CAMSAP2: variants seen among roughly 807,000 people sequenced by gnomAD.
CAMSAP2 encodes calmodulin-regulated spectrin-associated protein 2.
A neutral mutation model predicts 146.1 loss-of-function variants in CAMSAP2; 26 were observed. The ratio of observed to expected loss-of-function variants is 0.18; its 90% CI spans 0.13 to 0.25. The LOEUF is 0.25. Among genes scored for constraint, CAMSAP2 ranks in the 10% least tolerant of loss-of-function variants. The pLI, the probability that CAMSAP2 is intolerant of heterozygous loss-of-function variation, is 1.00. For synonymous variants in CAMSAP2, 499 were observed against 596.6 expected (o/e 0.84, Z 2.38); for missense variants, 1,381 against 1,759.3 (o/e 0.78, Z 3.85).
Position 200,848,277 on chromosome 1 carries a change from C to A in CAMSAP2, c.1508C>A (p.Pro503His). The A allele has an allele frequency of 6.2e-7, 1 of 1,613,010 alleles. No homozygotes were observed. Among genetic ancestry groups the A allele is most frequent in the Non-Finnish European group, 8.5e-7 (1 of 1,179,592 alleles). Reference protein sequence around the residue: ...DSHSDLKSCVPLNTNELNSNE... With the variant: ...DSHSDLKSCVHLNTNELNSNE... The stretch of plus-strand genomic sequence containing the variant: ...CACAGTGACCTCAAATCTTGTGTGC[C>A]CCTTAACACAAATGAACTAAATTCT... Residue 503 changes from proline to histidine, a missense_variant, in exon 11 of 17, where the codon CCC (proline) becomes CAC (histidine). Pro to His is a moderately conservative substitution (Grantham distance 77, BLOSUM62 -2). Transcript: ENST00000358823.
At chr1:200,763,929 C>A (rs1664869535) in intron 2 of CAMSAP2, among the ~76,000 whole-genome samples, 1 of 151,978 alleles carries the variant, frequency 6.6e-6, no homozygotes, top group Non-Finnish European at 1.5e-5. Context: ...CAAAAATTAG[C>A]CAGGTGTGGT....
intron 4 of CAMSAP2, among the ~76,000 whole-genome samples, chr1:200,818,995 T>C (rs973575601): frequency 6.6e-6 from 1 of 152,212 alleles, no homozygotes; most frequent in African/African-American, 2.4e-5. Context: ...CTTGCCCAAC[T>C]ACTCTTAACT....
intron 2 of CAMSAP2, 142 bp downstream of exon 2, chr1:200,761,240 C>G (rs188871393): frequency 1.0e-5 from 8 of 803,206 alleles, no homozygotes; most frequent in Non-Finnish European, 1.5e-5. Context: ...TTTTCTTAAC[C>G]TTGTTTCCAA....
At chr1:200,821,729 G>T (rs1259507580) in intron 4 of CAMSAP2, among the ~76,000 whole-genome samples, 5 of 152,012 alleles carry the variant, frequency 3.3e-5, no homozygotes, top group African/African-American at 1.2e-4. Flanking sequence ...GCCCTTACAG[G>T]AAACACAACA....
rs1319566029 is a variant in CAMSAP2, at chr1:200,859,722, T to C, written c.*1663T>C. The stretch of plus-strand genomic sequence containing the variant: ...CTCTTATATTTTAAGTGTATACATA[T>C]TGTGTATATAACATATGGATATTAA... On this transcript the variant is annotated 3_prime_UTR_variant, in exon 17 of 17. Transcript: ENST00000358823. The C allele has an allele frequency of 6.6e-6, 1 of 152,230 alleles. No individual in the cohort carries two copies. Among genetic ancestry groups the C allele is most frequent in the African/African-American group, 2.4e-5 (1 of 41,460 alleles). The allele number at this position is 152,230 out of a possible 1,614,324, so 9.4% of individuals were successfully genotyped here.
intron 2 of CAMSAP2, among the ~76,000 whole-genome samples, chr1:200,763,699 TTGA>T (rs1291990441): frequency 2.0e-5 from 3 of 152,224 alleles, no homozygotes; most frequent in African/African-American, 7.2e-5. Flanking sequence ...GGCATTTTGA[TTGA>T]TGATATTTAA....
At chr1:200,805,610 A>G (rs1051075805) in intron 2 of CAMSAP2, among the ~76,000 whole-genome samples, 2 of 152,220 alleles carry the variant, frequency 1.3e-5, no homozygotes, top group Non-Finnish European at 2.9e-5. Flanking sequence ...CAGAAACAAT[A>G]TTCTGTAGGA....
intron 2 of CAMSAP2, among the ~76,000 whole-genome samples, chr1:200,774,406 T>C (rs1665210697): frequency 6.6e-6 from 1 of 152,210 alleles, no homozygotes. Context: ...AAGTGCACTA[T>C]GTTAGAAGCT....
chr1:200,762,183 G>T (rs1321853953), intron 2 of CAMSAP2, among the ~76,000 whole-genome samples: 1 of 152,108 alleles, frequency 6.6e-6, no homozygotes, highest in Admixed American at 6.5e-5. Flanking sequence ...ACTAAATGAG[G>T]TGATGACCTG....
At chr1:200,753,612 G>A (rs927244778) in intron 1 of CAMSAP2, among the ~76,000 whole-genome samples, 6 of 152,144 alleles carry the variant, frequency 3.9e-5, no homozygotes, top group Admixed American at 6.5e-5. Context: ...ATTACACAGA[G>A]TCCTGCCCTC....
chr1:200,766,276 TG>T (rs1664948743), intron 2 of CAMSAP2, among the ~76,000 whole-genome samples: 2 of 152,054 alleles, frequency 1.3e-5, no homozygotes, highest in South Asian at 4.1e-4. Context: ...CCTGGGTAGC[TG>T]GGTCTGCAGA....
In CAMSAP2 at chr1:200,841,841, A is replaced by G. The variant is rs149486658; in HGVS notation, c.928-153A>G. Among the ~76,000 whole-genome samples, 1,160 of 152,336 alleles carry G rather than the reference A, an allele frequency of 7.6e-3. 7 individuals carry two copies. Among genetic ancestry groups the G allele is most frequent in the Non-Finnish European group, 0.012 (812 of 68,024 alleles). ...AATAGTTATAATTTTTACCCACAAG[A>G]GTTAATATTCCATCCCATGTTTAAT... On this transcript the variant is annotated intron_variant, in intron 6 of 16. Transcript: ENST00000358823.
At chr1:200,820,909 G>A (rs1558194023) in intron 4 of CAMSAP2, among the ~76,000 whole-genome samples, 1 of 152,004 alleles carries the variant, frequency 6.6e-6, no homozygotes, top group Non-Finnish European at 1.5e-5. Context: ...TTTAGAAAAC[G>A]GTAATTTTTA....
chr1:200,785,587 G>A (rs566973578), intron 2 of CAMSAP2, among the ~76,000 whole-genome samples: 17 of 151,964 alleles, frequency 1.1e-4, no homozygotes, highest in African/African-American at 3.9e-4. Flanking sequence ...ACAGGGTTTC[G>A]CCATGTTTGC....
chr1:200,792,931 G>T (rs867842531), intron 2 of CAMSAP2, among the ~76,000 whole-genome samples: 1 of 152,262 alleles, frequency 6.6e-6, no homozygotes, highest in Middle Eastern at 3.4e-3. Context: ...TGGTAAATGG[G>T]ATGTTTCTGT....
Position 200,832,807 on chromosome 1 carries a change from A to G in CAMSAP2, c.889A>G (p.Thr297Ala), listed in dbSNP as rs41306231. Residue 297 changes from threonine to alanine, a missense_variant, in exon 6 of 17, where the codon ACT becomes GCT. Coordinates refer to ENST00000358823, the MANE Select transcript of CAMSAP2 (RefSeq NM_203459.4). The surrounding 1 kb of genome is among the most constrained non-coding windows in gnomAD (Gnocchi z 4.2). Reference sequence around the variant, plus strand: ...ATACTTGAACCAGTGTTGCCATTTCACTCTGGAAGATATGCTCTATGCTGC... The same window carrying G: ...ATACTTGAACCAGTGTTGCCATTTCGCTCTGGAAGATATGCTCTATGCTGC... The part of the protein sequence containing the change: ...QEYLNQCCHF[T>A]LEDMLYAASS... 0.011 allele frequency: 18,385 copies of G among 1,610,882 alleles called. 121 individuals carry two copies. The highest frequency in any genetic ancestry group is 0.013 in the Non-Finnish European group (15,239 of 1,178,302).
chr1:200,833,379 G>A (rs1667095099), intron 6 of CAMSAP2, among the ~76,000 whole-genome samples: 1 of 152,062 alleles, frequency 6.6e-6, no homozygotes, highest in African/African-American at 2.4e-5. Context: ...TGGGCAACAT[G>A]GTGAAACCCC....
At chr1:200,745,958 T>C (rs1211380169) in intron 1 of CAMSAP2, among the ~76,000 whole-genome samples, 1 of 152,226 alleles carries the variant, frequency 6.6e-6, no homozygotes, top group Non-Finnish European at 1.5e-5. Context: ...TTAAAAAGTT[T>C]TTAAAAATAG....
intron 4 of CAMSAP2, among the ~76,000 whole-genome samples, chr1:200,820,063 T>A (rs10920035): frequency 0.31 from 44,734 of 144,850 alleles, 6,538 homozygotes; most frequent in East Asian, 0.35. Context: ...TCTCAAAAAA[T>A]TTTTTTTTTT....
Sources: gnomAD v4.1 joint callset for allele counts (sites outside exome capture counted in the v4.1 genomes callset) on GRCh38, gnomAD v4.1.1 for gene constraint, Gnocchi (gnomAD v3.1) non-coding constraint, MANE v1.5 for transcripts, NCBI Gene and HGNC (gene_info 2026-07-23, HGNC 2026-07-21) for gene names.